PRR5L: variants seen among roughly 807,000 people sequenced by gnomAD.
The protein encoded by PRR5L is proline rich 5 like.
A neutral mutation model predicts 36.4 loss-of-function variants in PRR5L; 21 were observed. The observed-to-expected ratio is 0.58, with a 90% CI of 0.41 to 0.83. The LOEUF is 0.83. Among genes scored for constraint, PRR5L ranks in the 40% least tolerant of loss-of-function variants. The pLI, the probability that PRR5L is intolerant of heterozygous loss-of-function variation, is 0.00. For missense variants in PRR5L, 381 were observed against 473.3 expected (o/e 0.80, Z 1.81); for synonymous variants, 188 against 197.0 (o/e 0.95, Z 0.38).
intron 3 of PRR5L, among the ~76,000 whole-genome samples, chr11:36,404,278 T>G (rs867295485): frequency 4.7e-5 from 7 of 149,824 alleles, no homozygotes; most frequent in Non-Finnish European, 8.9e-5. Flanking sequence ...CTTTTTTTTT[T>G]TTTTTTTTTT....
chr11:36,371,988 G>A (rs75701009), intron 1 of PRR5L, among the ~76,000 whole-genome samples: 3,359 of 152,260 alleles, frequency 0.022, 86 homozygotes, highest in East Asian at 0.13. Flanking sequence ...AACCCAGGAG[G>A]CAGAATTTGC....
chr11:36,350,551 T>G (rs1012319808), intron 1 of PRR5L, among the ~76,000 whole-genome samples: 1 of 152,102 alleles, frequency 6.6e-6, no homozygotes, highest in African/African-American at 2.4e-5. Flanking sequence ...TTTTTAAAAT[T>G]TCAATAGGCT....
intron 1 of PRR5L, among the ~76,000 whole-genome samples, chr11:36,371,295 A>G (rs906392886): frequency 2.6e-5 from 4 of 152,250 alleles, no homozygotes; most frequent in African/African-American, 9.6e-5. Context: ...GCTGTACCAA[A>G]GGTCACTGAT....
chr11:36,432,998 A>T (rs532569048), intron 5 of PRR5L, among the ~76,000 whole-genome samples: 3 of 152,150 alleles, frequency 2.0e-5, no homozygotes, highest in Admixed American at 6.5e-5. Context: ...AGTTGGCTGA[A>T]CCTGTAGCCA....
rs1003718534 is a variant in PRR5L, at chr11:36,377,025, G to A, written c.-125-23972G>A. Reference sequence around the variant, plus strand: ...CGTGAGGTGGGATGCGGATGCTGGTGATCATGGGACCTAGGCTGAGCCGGG... The same window carrying A: ...CGTGAGGTGGGATGCGGATGCTGGTAATCATGGGACCTAGGCTGAGCCGGG... On this transcript the variant is annotated intron_variant, in intron 1 of 8. Coordinates refer to ENST00000530639, the MANE Select transcript of PRR5L (RefSeq NM_001160167.2). This position sits in a 1 kb window ranked among gnomAD's most constrained non-coding sequence, Gnocchi z 5.1. Among the ~76,000 whole-genome samples, 2 of 152,184 alleles carry A rather than the reference G, an allele frequency of 1.3e-5. No individual in the cohort carries two copies. The highest frequency in any genetic ancestry group is 2.9e-5 in the Non-Finnish European group (2 of 68,026).
chr11:36,341,030 T>C (rs1413970537), intron 1 of PRR5L, among the ~76,000 whole-genome samples: 2 of 152,174 alleles, frequency 1.3e-5, no homozygotes, highest in African/African-American at 4.8e-5. Flanking sequence ...TAAACAAATG[T>C]AATCCATCTC....
intron 4 of PRR5L, among the ~76,000 whole-genome samples, chr11:36,419,937 C>T (rs1275808529): frequency 1.3e-5 from 2 of 152,208 alleles, no homozygotes; most frequent in African/African-American, 4.8e-5. Context: ...GACCCTGAAT[C>T]ATACCACATC....
At chr11:36,408,999 T>C (rs1204883268) in intron 3 of PRR5L, among the ~76,000 whole-genome samples, 4 of 151,940 alleles carry the variant, frequency 2.6e-5, no homozygotes, top group African/African-American at 4.8e-5. Context: ...GAGTAGGTGG[T>C]TTGTGTCTTG....
chr11:36,461,318 G>A (rs1859173821), intron 8 of PRR5L, among the ~76,000 whole-genome samples: 1 of 152,174 alleles, frequency 6.6e-6, no homozygotes, highest in Non-Finnish European at 1.5e-5. Context: ...GGAACATGAT[G>A]AGAATTCAAA....
At chr11:36,446,810 A>T (rs1209349922) in intron 7 of PRR5L, among the ~76,000 whole-genome samples, 1 of 152,178 alleles carries the variant, frequency 6.6e-6, no homozygotes, top group Non-Finnish European at 1.5e-5. Flanking sequence ...CTCCCTGAAA[A>T]GCTCCTAGGG....
intron 1 of PRR5L, among the ~76,000 whole-genome samples, chr11:36,307,008 C>A (rs1590426029): frequency 6.6e-6 from 1 of 152,280 alleles, no homozygotes; most frequent in East Asian, 1.9e-4. Flanking sequence ...ATTGCCACAC[C>A]CTAAAAAGGA....
chr11:36,367,740 TTCTCTCTCTCTCTCTCTCTC>T (rs55635913), intron 1 of PRR5L, among the ~76,000 whole-genome samples: 1 of 150,356 alleles, frequency 6.7e-6, no homozygotes, highest in Admixed American at 6.6e-5. Context: ...ACCAGAGAAC[TTCTCTCTCTCTCTCTCTCTC>T]TCTCTCTCTC....
chr11:36,305,753 C>T (rs1293075709), intron 1 of PRR5L, among the ~76,000 whole-genome samples: 1 of 152,154 alleles, frequency 6.6e-6, no homozygotes, highest in Non-Finnish European at 1.5e-5. Context: ...AGTGGGCCCT[C>T]AATAGACACT....
At chr11:36,332,983 C>G (rs1856734287) in intron 1 of PRR5L, among the ~76,000 whole-genome samples, 1 of 151,982 alleles carries the variant, frequency 6.6e-6, no homozygotes, top group South Asian at 2.1e-4. Context: ...TCATTTTTCT[C>G]CATGTCCACT....
chr11:36,376,483 G>A, intron 1 of PRR5L: 1 of 1,092,514 alleles, frequency 9.2e-7, no homozygotes, highest in African/African-American at 1.7e-5. Flanking sequence ...AGGCTGGACG[G>A]GACCCCATCT....
intron 1 of PRR5L, chr11:36,321,740 T>A (rs1856615552): frequency 6.6e-6 from 1 of 152,202 alleles, no homozygotes. Context: ...GCTGGGTGGT[T>A]TAAACAACAG....
At chr11:36,427,783 A>G (rs1858411778) in intron 4 of PRR5L, among the ~76,000 whole-genome samples, 1 of 152,166 alleles carries the variant, frequency 6.6e-6, no homozygotes, top group Non-Finnish European at 1.5e-5. Flanking sequence ...AGAATCCTGA[A>G]TGCCATTCTT....
chr11:36,335,705 G>C (rs918225118), intron 1 of PRR5L, among the ~76,000 whole-genome samples: 1 of 152,048 alleles, frequency 6.6e-6, no homozygotes, highest in Admixed American at 6.6e-5. Context: ...ACTTAAGTGG[G>C]AGCTTTGACA....
At chr11:36,376,078 C>T (rs1024219680) in intron 1 of PRR5L, 119 of 1,118,672 alleles carry the variant, frequency 1.1e-4, no homozygotes, top group Non-Finnish European at 1.4e-4. Flanking sequence ...CACGGAGCTC[C>T]CTTGACCTGC....
Sources: allele counts gnomAD v4.1 joint callset (sites outside exome capture counted in the v4.1 genomes callset), GRCh38; gene constraint gnomAD v4.1.1; non-coding constraint Gnocchi (gnomAD v3.1); transcripts MANE v1.5; gene names NCBI Gene and HGNC (gene_info 2026-07-23, HGNC 2026-07-21).